Variants in VPS8 observed in about 807,000 individuals in gnomAD.
VPS8 encodes vacuolar protein sorting-associated protein 8 homolog.
A neutral mutation model predicts 216.4 loss-of-function variants in VPS8; 129 were observed. The observed-to-expected ratio is 0.60, with a 90% confidence interval of 0.52 to 0.69. The LOEUF (loss-of-function observed/expected upper bound fraction) is 0.69, where lower values mean the gene tolerates loss of function less well. VPS8 is among the 30% of genes least tolerant of loss of function. VPS8 has a pLI of 0.00. For synonymous variants in VPS8, 571 were observed against 565.4 expected, an observed-to-expected ratio of 1.01 and a Z score of -0.14; for missense variants, 1,531 against 1,683.5, an observed-to-expected ratio of 0.91 and a Z score of 1.59.
intron 21 of VPS8, among the ~76,000 whole-genome samples, chr3:184,872,946 T>C (rs1578006827): frequency 6.6e-6 from 1 of 152,218 alleles, no homozygotes; most frequent in East Asian, 1.9e-4. Context: ...GAGAAAGGCA[T>C]ATAACTAAAG....
intron 21 of VPS8, among the ~76,000 whole-genome samples, chr3:184,872,373 G>A (rs1052907703): frequency 1.3e-5 from 2 of 152,046 alleles, no homozygotes; most frequent in South Asian, 2.1e-4. Flanking sequence ...CAAAGGTGAC[G>A]TTCTGATGGA....
intron 35 of VPS8, among the ~76,000 whole-genome samples, chr3:184,938,242 A>G (rs1272819724): frequency 6.6e-6 from 1 of 152,246 alleles, no homozygotes; most frequent in African/African-American, 2.4e-5. Context: ...GTTGTCCAGC[A>G]TGATAATGAT....
At position 184,982,401 on chromosome 3, in the gene VPS8, T is replaced by C. The variant is rs1303119862; in HGVS notation, c.3421-165T>C. The C allele has an allele frequency of 4.4e-5, 24 of 547,830 alleles. 1 individual carries two copies. In the South Asian group the frequency reaches 5.5e-4, roughly 13 times the overall value. The allele number at this position is 547,830 out of a possible 1,614,324, so 33.9% of individuals were successfully genotyped here. ...GCTTTGTATTGTCTTTTTTTTTTTTTGCCCCAAATATTTCCATTTTTATTT... is the reference window on the plus strand; with the variant it reads ...GCTTTGTATTGTCTTTTTTTTTTTTCGCCCCAAATATTTCCATTTTTATTT... On this transcript the variant is annotated intron_variant, in intron 40 of 47. Transcript: ENST00000625842.
At position 184,928,648 on chromosome 3, in the gene VPS8, A is replaced by G. The variant is rs189908599; in HGVS notation, c.2714+115A>G. 41 of 807,028 alleles carry G rather than the reference A, an allele frequency of 5.1e-5. 2 individuals are homozygous for G. In the East Asian group the frequency reaches 1.4e-3, roughly 27 times the overall value. 50.0% of individuals were successfully genotyped at this position (807,028 alleles called of 1,614,324 possible). On this transcript the variant is annotated intron_variant, in intron 32 of 47. Coordinates refer to ENST00000625842, the MANE Select transcript of VPS8 (RefSeq NM_001009921.3). ...TGCTTTTTTAATTAGGAAAGATTAT[A>G]CAAATAACAAAAAGCTAAGGGTGAA...
chr3:184,924,575 A>C (rs1030112435), intron 29 of VPS8, among the ~76,000 whole-genome samples: 8 of 152,164 alleles, frequency 5.3e-5, no homozygotes, highest in East Asian at 3.9e-4. Context: ...AAACGTGATT[A>C]ATATTTCTTT....
In VPS8 at chr3:185,052,054, C is replaced by G; in HGVS notation, c.*29C>G. On this transcript the variant is annotated 3_prime_UTR_variant, in exon 48 of 48. Transcript: ENST00000625842. ...CTCCATGGAGCCTGGCCCAGGAGAACCAGAGATGATCCCGAGGCAGCTGGG... is the reference window on the plus strand; with the variant it reads ...CTCCATGGAGCCTGGCCCAGGAGAAGCAGAGATGATCCCGAGGCAGCTGGG... 1 of 1,597,908 alleles carries G rather than the reference C, an allele frequency of 6.3e-7. No individual in the cohort carries two copies. The highest frequency in any genetic ancestry group is 2.3e-5 in the East Asian group (1 of 44,440).
intron 47 of VPS8, among the ~76,000 whole-genome samples, chr3:185,050,205 C>T (rs1032731195): frequency 5.3e-5 from 8 of 151,170 alleles, no homozygotes; most frequent in African/African-American, 1.7e-4. Flanking sequence ...GTCTGTGGCT[C>T]ATTCTGTTCA....
chr3:184,996,919 C>A (rs1203836783), intron 44 of VPS8, among the ~76,000 whole-genome samples: 1 of 152,136 alleles, frequency 6.6e-6, no homozygotes, highest in Non-Finnish European at 1.5e-5. Flanking sequence ...AAAAATGAAT[C>A]TTTGGTCTGA....
chr3:184,818,534 A>G (rs1190547185), intron 1 of VPS8, among the ~76,000 whole-genome samples: 1 of 151,960 alleles, frequency 6.6e-6, no homozygotes, highest in African/African-American at 2.4e-5. Context: ...AAAAAAAAAA[A>G]AAAAAGTCCA....
intron 11 of VPS8, 28 bp from the exon 12 acceptor site, chr3:184,853,829 A>G: frequency 6.4e-7 from 1 of 1,552,562 alleles, no homozygotes; most frequent in South Asian, 1.2e-5. Flanking sequence ...TGCTAAATTG[A>G]TTCTGAATTT....
intron 41 of VPS8, 59 bp from the exon 42 acceptor site, chr3:184,982,953 G>C: frequency 1.2e-5 from 17 of 1,434,668 alleles, no homozygotes; most frequent in Non-Finnish European, 1.6e-5. Flanking sequence ...CAGACTTATA[G>C]GAAAAACTGA....
chr3:184,976,677 C>G (rs1275261786), intron 40 of VPS8, among the ~76,000 whole-genome samples: 1 of 152,056 alleles, frequency 6.6e-6, no homozygotes, highest in East Asian at 1.9e-4. Context: ...ACCATATGCC[C>G]AATGATTAGC....
Position 184,820,141 on chromosome 3 carries a change from C to T in VPS8, c.-88-4404C>T, listed in dbSNP as rs1433214681. Among the ~76,000 whole-genome samples, 8 of 152,102 alleles carry T rather than the reference C, an allele frequency of 5.3e-5. No homozygotes were observed. The East Asian group carries it at 7.7e-4, about 15-fold the overall frequency. The stretch of plus-strand genomic sequence containing the variant: ...ATTTCCTATTGTTGCCGTAAATTAC[C>T]GTAAAGTTAGTAGTATAAAACAATG... On this transcript the variant is annotated intron_variant, in intron 1 of 47. Coordinates refer to ENST00000625842, the MANE Select transcript of VPS8 (RefSeq NM_001009921.3).
intron 30 of VPS8, 106 bp downstream of exon 30, chr3:184,925,087 A>G (rs1739341585): frequency 1.1e-5 from 15 of 1,428,148 alleles, no homozygotes; most frequent in Non-Finnish European, 1.4e-5. Flanking sequence ...TAAATACCTT[A>G]TCAAGGAGAG....
chr3:185,025,598 CTTGTCAAGGCAGTAGGGGCAGGCG>C (rs1757230330), intron 46 of VPS8, among the ~76,000 whole-genome samples: 5 of 152,220 alleles, frequency 3.3e-5, no homozygotes. Context: ...CTCTTTCACT[CTTGTCAAGGCAGTAGGGGCAGGCG>C]AGACTGAGGC....
chr3:184,883,240 G>A (rs753375150), intron 21 of VPS8, among the ~76,000 whole-genome samples: 23 of 152,126 alleles, frequency 1.5e-4, no homozygotes, highest in Admixed American at 5.2e-4. Flanking sequence ...CTTTGTGACT[G>A]CTTTTCATCT....
At chr3:184,974,812 G>A (rs1748996732) in intron 40 of VPS8, among the ~76,000 whole-genome samples, 1 of 152,020 alleles carries the variant, frequency 6.6e-6, no homozygotes, top group Non-Finnish European at 1.5e-5. Flanking sequence ...ACTGAAGAGG[G>A]TGTCTTTTCC....
intron 45 of VPS8, among the ~76,000 whole-genome samples, chr3:185,011,080 T>C (rs951404568): frequency 4.1e-5 from 6 of 146,636 alleles, no homozygotes; most frequent in Non-Finnish European, 7.5e-5. Context: ...TACATCAAAT[T>C]GGAATCCTAA....
At chr3:184,927,786 A>G (rs1266637452) in intron 31 of VPS8, among the ~76,000 whole-genome samples, 1 of 152,124 alleles carries the variant, frequency 6.6e-6, no homozygotes, top group Non-Finnish European at 1.5e-5. Flanking sequence ...TATGAATTTT[A>G]CTACCTTAGG....
Sources: allele counts gnomAD v4.1 joint callset (sites outside exome capture counted in the v4.1 genomes callset), GRCh38; gene constraint gnomAD v4.1.1; transcripts MANE v1.5; gene names NCBI Gene and HGNC (gene_info 2026-07-23, HGNC 2026-07-21).